Variants in MTCL1 observed in about 807,000 individuals in gnomAD.
The protein encoded by MTCL1 is microtubule cross-linking factor 1.
A neutral mutation model predicts 141.4 loss-of-function variants in MTCL1; 79 were observed. The ratio of observed to expected loss-of-function variants is 0.56; its 90% CI spans 0.47 to 0.67. The LOEUF is 0.67. Ranked by LOEUF, MTCL1 falls within the 30% of genes least tolerant of loss-of-function variation. The pLI, the probability that MTCL1 is intolerant of heterozygous loss-of-function variation, is 0.00. For missense variants in MTCL1, 2,177 were observed against 2,113.9 expected, an observed-to-expected ratio of 1.03 and a Z score of -0.59; for synonymous variants, 914 against 875.8, an observed-to-expected ratio of 1.04 and a Z score of -0.77.
chr18:8,798,174 C>A (rs767751395), exon 10 of MTCL1: 4 of 1,598,020 alleles, frequency 2.5e-6, no homozygotes, highest in Non-Finnish European at 3.4e-6. Context: ...GCCCAGACCA[C>A]GACAGTGACC....
chr18:8,796,600 A>G, intron 9 of MTCL1, 138 bp downstream of exon 8: 1 of 881,504 alleles, frequency 1.1e-6, no homozygotes, highest in Non-Finnish European at 1.7e-6. Context: ...CTAATATTGC[A>G]AAAAAGATGT....
At chr18:8,756,337 G>A (rs1357549319) in intron 4 of MTCL1, among the ~76,000 whole-genome samples, 14 of 150,078 alleles carry the variant, frequency 9.3e-5, no homozygotes, top group Non-Finnish European at 1.9e-4. Flanking sequence ...ATATATATGT[G>A]TGTGTATATA....
chr18:8,805,102 A>AATATAT (rs71356268), intron 10 of MTCL1, among the ~76,000 whole-genome samples: 16,327 of 146,140 alleles, frequency 0.11, 1,201 homozygotes, highest in African/African-American at 0.19. Context: ...TTTATTTTTG[A>AATATAT]ATATATATAT....
chr18:8,821,793 C>T (rs1286299898), intron 14 of MTCL1, among the ~76,000 whole-genome samples: 1 of 152,096 alleles, frequency 6.6e-6, no homozygotes, highest in African/African-American at 2.4e-5. Flanking sequence ...TTTGAAAGGT[C>T]CATGGAAACC....
chr18:8,794,998 G>A (rs2075865725), intron 8 of MTCL1, among the ~76,000 whole-genome samples: 1 of 152,232 alleles, frequency 6.6e-6, no homozygotes. Context: ...GATGCTGGGT[G>A]TCTGGTACGC....
chr18:8,801,018 C>T (rs1157581489), intron 10 of MTCL1, among the ~76,000 whole-genome samples: 1 of 152,136 alleles, frequency 6.6e-6, no homozygotes, highest in East Asian at 1.9e-4. Flanking sequence ...ACTGAAGAGC[C>T]TCATCCAGTC....
rs1447764639 is a variant in MTCL1, at chr18:8,779,686, C to T, written c.417+1794C>T. 6.6e-6 allele frequency among the ~76,000 whole-genome samples: 1 copy of T among 152,160 alleles called. No individual in the cohort carries two copies. Among genetic ancestry groups the T allele is most frequent in the Non-Finnish European group, 1.5e-5 (1 of 68,026 alleles). ...TTTAATATACACTCTCCCATGGCTT[C>T]CAGGACAGTCTTTCTTTCAAACCCT... is the stretch of plus-strand genomic sequence containing the variant. On this transcript the variant is annotated intron_variant, in intron 5 of 16. Coordinates refer to ENST00000359865, the Ensembl canonical transcript of MTCL1. This position sits in a 1 kb window ranked among gnomAD's most constrained non-coding sequence, Gnocchi z 4.1.
In MTCL1 at chr18:8,807,058, C is replaced by T. The variant is rs1434711263; in HGVS notation, c.2602C>T (p.Gln868Ter). The change falls in exon 11 of 17, where the codon CAG becomes TAG. Residue 868 changes from glutamine to a stop codon, truncating the protein, a stop_gained and splice_region_variant. Coordinates refer to ENST00000359865, the Ensembl canonical transcript of MTCL1. LOFTEE classifies it high-confidence loss of function. ...GGCCGTGCTCAAGTGCCGTCTGGAA[C>T]AGGTACCACCCTCCCAGGTCTCCCT... The T allele has an allele frequency of 1.2e-6, 2 of 1,611,876 alleles. No homozygotes were observed. The highest frequency in any genetic ancestry group is 1.7e-6 in the Non-Finnish European group (2 of 1,179,070).
exon 7 of MTCL1, chr18:8,785,990 C>A: frequency 6.2e-7 from 1 of 1,606,502 alleles, no homozygotes; most frequent in Non-Finnish European, 8.5e-7. Flanking sequence ...AGGGGACGAG[C>A]GGGAGAGCCT....
intron 7 of MTCL1, among the ~76,000 whole-genome samples, chr18:8,788,871 C>T (rs555785929): frequency 6.6e-6 from 1 of 152,336 alleles, no homozygotes; most frequent in East Asian, 1.9e-4. Context: ...GTTTCTGCTG[C>T]CTGCTCTTCT....
intron 4 of MTCL1, among the ~76,000 whole-genome samples, chr18:8,741,386 G>T (rs2096302435): frequency 6.6e-6 from 1 of 152,086 alleles, no homozygotes; most frequent in South Asian, 2.1e-4. Flanking sequence ...CAAATAAATT[G>T]CTTATAATAG....
At chr18:8,825,985 G>T in exon 15 of MTCL1, 1 of 1,599,022 alleles carries the variant, frequency 6.3e-7, no homozygotes, top group South Asian at 1.1e-5. Flanking sequence ...TCCCGAGGAA[G>T]GTCGCCTAGC....
At chr18:8,768,469 G>T (rs1035673264) in intron 4 of MTCL1, among the ~76,000 whole-genome samples, 1 of 152,130 alleles carries the variant, frequency 6.6e-6, no homozygotes, top group African/African-American at 2.4e-5. Flanking sequence ...CAAATCAGAG[G>T]GTCTGTAGGG....
intron 4 of MTCL1, among the ~76,000 whole-genome samples, chr18:8,726,512 AGCGAGC>A (rs1451233353): frequency 0.018 from 2,401 of 135,998 alleles, 91 homozygotes; most frequent in African/African-American, 0.067. Flanking sequence ...CGCGCGCAAG[AGCGAGC>A]GAGAGAGAGC....
At chr18:8,778,055 CT>C in intron 5 of MTCL1, 163 bp downstream of exon 4, 1 of 541,178 alleles carries the variant, frequency 1.8e-6, no homozygotes, top group South Asian at 3.2e-5. Flanking sequence ...TGAACATTTT[CT>C]TTGCAAACCC....
Position 8,763,164 on chromosome 18 carries a change from G to A in MTCL1, c.358-14669G>A, listed in dbSNP as rs138567664. On this transcript the variant is annotated intron_variant, in intron 4 of 16. Coordinates refer to ENST00000359865, the Ensembl canonical transcript of MTCL1. ...AAGCAGGCCTGTGACAAGATGTGCC[G>A]AGTTGTTCTGTCTGGCTTCAGTTAT... is the stretch of plus-strand genomic sequence containing the variant. Among the ~76,000 whole-genome samples the A allele has an allele frequency of 5.9e-3, 897 of 152,298 alleles. 14 individuals carry two copies. The highest frequency in any genetic ancestry group is 0.019 in the African/African-American group (806 of 41,564).
chr18:8,829,795 C>T, intron 16 of MTCL1: 1 of 985,312 alleles, frequency 1.0e-6, no homozygotes, highest in Non-Finnish European at 1.2e-6. Context: ...CCATGCCATG[C>T]AGCGACCACA....
chr18:8,823,867 A>G (rs2076926008), intron 14 of MTCL1, among the ~76,000 whole-genome samples: 1 of 152,116 alleles, frequency 6.6e-6, no homozygotes, highest in South Asian at 2.1e-4. Flanking sequence ...AATAGGTCCT[A>G]TGGAGGAGTG....
At chr18:8,766,368 C>G (rs2096459877) in intron 4 of MTCL1, among the ~76,000 whole-genome samples, 1 of 152,188 alleles carries the variant, frequency 6.6e-6, no homozygotes, top group Non-Finnish European at 1.5e-5. Context: ...GAGCAGCTGT[C>G]TCTGCCGTGG....
Sources: allele counts gnomAD v4.1 joint callset (sites outside exome capture counted in the v4.1 genomes callset), GRCh38; gene constraint gnomAD v4.1.1; non-coding constraint Gnocchi (gnomAD v3.1); transcripts MANE v1.5; gene names NCBI Gene and HGNC (gene_info 2026-07-23, HGNC 2026-07-21).